MPDZ: variants seen among roughly 807,000 people sequenced by gnomAD.
The protein encoded by MPDZ is multiple PDZ domain protein.
A neutral mutation model predicts 239.1 loss-of-function variants in MPDZ; 234 were observed. The observed-to-expected ratio is 0.98, with a 90% CI of 0.88 to 1.09. MPDZ has a LOEUF of 1.09. MPDZ is among the 50% of genes least tolerant of loss of function. The pLI is 0.00. For synonymous variants in MPDZ, 1,048 were observed against 881.3 expected (o/e 1.19, Z -3.35); for missense variants, 3,175 against 2,510.0 (o/e 1.26, Z -5.66).
At chr9:13,171,316 G>A (rs1050865404) in intron 21 of MPDZ, among the ~76,000 whole-genome samples, 2 of 152,154 alleles carry the variant, frequency 1.3e-5, no homozygotes, top group Non-Finnish European at 2.9e-5. Context: ...TCTTAATTCA[G>A]CTTCAAAATG....
At chr9:13,248,243 A>T (rs986557912) in intron 2 of MPDZ, among the ~76,000 whole-genome samples, 2 of 151,854 alleles carry the variant, frequency 1.3e-5, no homozygotes, top group Non-Finnish European at 2.9e-5. Flanking sequence ...AAAAAAAAAA[A>T]ACCTGTAGAG....
intron 17 of MPDZ, among the ~76,000 whole-genome samples, chr9:13,186,725 T>C (rs907860829): frequency 1.3e-5 from 2 of 152,066 alleles, no homozygotes; most frequent in African/African-American, 4.8e-5. Flanking sequence ...TATTTTTATC[T>C]GCAAAATATT....
chr9:13,136,621 C>T (rs535735855), intron 30 of MPDZ, 91 bp downstream of exon 30: 55 of 890,804 alleles, frequency 6.2e-5, no homozygotes, highest in Admixed American at 4.4e-4. Flanking sequence ...CCAGCATGCC[C>T]GGCTACAAAT....
chr9:13,240,580 TAAAAAAAAAAAA>T (rs71331533), intron 3 of MPDZ, among the ~76,000 whole-genome samples: 49 of 44,018 alleles, frequency 1.1e-3, no homozygotes, highest in African/African-American at 4.2e-3. Context: ...ATAATAAAAG[TAAAAAAAAAAAA>T]AAAAAAAAAA....
intron 35 of MPDZ, 97 bp downstream of exon 35, chr9:13,125,119 G>A (rs1944926392): frequency 1.1e-5 from 13 of 1,181,202 alleles, no homozygotes; most frequent in Non-Finnish European, 1.3e-5. Flanking sequence ...CTTCCAAACA[G>A]TGAGCCACAG....
intron 32 of MPDZ, among the ~76,000 whole-genome samples, chr9:13,130,993 A>G (rs1172900303): frequency 6.6e-6 from 1 of 152,190 alleles, no homozygotes; most frequent in Non-Finnish European, 1.5e-5. Flanking sequence ...CAAAGTGGAG[A>G]AAATAATAGC....
chr9:13,195,414 T>C (rs1955518941), intron 13 of MPDZ, among the ~76,000 whole-genome samples: 2 of 152,210 alleles, frequency 1.3e-5, no homozygotes, highest in African/African-American at 2.4e-5. Context: ...ATCTGTTGTA[T>C]CTTCTCCCTT....
chr9:13,261,683 G>C (rs1227365883), intron 1 of MPDZ, among the ~76,000 whole-genome samples: 1 of 151,988 alleles, frequency 6.6e-6, no homozygotes, highest in Non-Finnish European at 1.5e-5. Context: ...GTTTTGCTCA[G>C]AGCCTGAGAA....
intron 16 of MPDZ, 35 bp from the exon 17 acceptor site, chr9:13,189,028 T>C (rs1020965700): frequency 3.2e-6 from 5 of 1,581,902 alleles, no homozygotes; most frequent in Non-Finnish European, 1.7e-6. Context: ...TCAGCTCATT[T>C]TACAAAGAAA....
intron 24 of MPDZ, among the ~76,000 whole-genome samples, chr9:13,151,114 C>A (rs1004904848): frequency 2.0e-4 from 31 of 151,930 alleles, no homozygotes; most frequent in South Asian, 6.2e-4. Flanking sequence ...CATCTCACAT[C>A]CAACAGGATG....
At chr9:13,228,341 A>T (rs958495696) in intron 3 of MPDZ, among the ~76,000 whole-genome samples, 4 of 152,062 alleles carry the variant, frequency 2.6e-5, no homozygotes, top group Non-Finnish European at 5.9e-5. Context: ...AATATTATAC[A>T]ACTTATTCAA....
chr9:13,253,608 G>C (rs962754450), intron 1 of MPDZ, among the ~76,000 whole-genome samples: 32 of 152,120 alleles, frequency 2.1e-4, no homozygotes, highest in African/African-American at 7.5e-4. Flanking sequence ...GGAAACTTAA[G>C]GATACCTGAG....
intron 23 of MPDZ, among the ~76,000 whole-genome samples, chr9:13,161,086 T>C (rs1950434195): frequency 6.6e-6 from 1 of 151,618 alleles, no homozygotes. Flanking sequence ...TCCCATAATA[T>C]TCATGAGGCC....
At chr9:13,154,544 C>G (rs1380188812) in intron 24 of MPDZ, among the ~76,000 whole-genome samples, 2 of 152,098 alleles carry the variant, frequency 1.3e-5, no homozygotes, top group African/African-American at 4.8e-5. Context: ...TGAAATACAG[C>G]CAACAAGAGT....
At position 13,110,688 on chromosome 9, in the gene MPDZ, T is replaced by C. The variant is rs1270043516; in HGVS notation, c.5777A>G (p.His1926Arg). 3.1e-6 allele frequency: 5 copies of C among 1,613,752 alleles called. No individual in the cohort carries two copies. In the South Asian group the frequency reaches 5.5e-5, roughly 18 times the overall value. Residue 1926 changes from histidine to arginine, a missense_variant, in exon 44 of 47, where the codon CAC becomes CGC. His to Arg is a conservative substitution (Grantham distance 29, BLOSUM62 0). Transcript: ENST00000319217. ...ICGTSTEGMT[H>R]TQAVNLLKNA... Reference sequence around the variant, plus strand: ...TTTCAGTAGGTTAACTGCTTGGGTGTGAGTCATGCCCTCAGTGGATGTGCC... The same window carrying C: ...TTTCAGTAGGTTAACTGCTTGGGTGCGAGTCATGCCCTCAGTGGATGTGCC...
At chr9:13,171,690 C>T (rs1429851193) in intron 21 of MPDZ, among the ~76,000 whole-genome samples, 1 of 152,108 alleles carries the variant, frequency 6.6e-6, no homozygotes, top group Non-Finnish European at 1.5e-5. Context: ...TATATATTTT[C>T]ACTCTAAATT....
intron 13 of MPDZ, among the ~76,000 whole-genome samples, chr9:13,193,518 A>G (rs72706369): frequency 1.3e-5 from 2 of 152,294 alleles, no homozygotes; most frequent in African/African-American, 2.4e-5. Context: ...ACAAACTGAA[A>G]GGAAGCAGTG....
intron 12 of MPDZ, among the ~76,000 whole-genome samples, chr9:13,203,121 C>T (rs1956585936): frequency 6.6e-6 from 1 of 152,132 alleles, no homozygotes; most frequent in Admixed American, 6.6e-5. Context: ...ATGGAAATAT[C>T]AGACTGTACC....
At chr9:13,253,729 A>C (rs1286549615) in intron 1 of MPDZ, among the ~76,000 whole-genome samples, 1 of 152,242 alleles carries the variant, frequency 6.6e-6, no homozygotes, top group African/African-American at 2.4e-5. Context: ...AATTCATGCT[A>C]AGCAGTGACA....
Sources: allele counts gnomAD v4.1 joint callset (sites outside exome capture counted in the v4.1 genomes callset), GRCh38; gene constraint gnomAD v4.1.1; transcripts MANE v1.5; gene names NCBI Gene and HGNC (gene_info 2026-07-23, HGNC 2026-07-21).